IL22RA2: variants seen among roughly 807,000 people sequenced by gnomAD.
The protein encoded by IL22RA2 is interleukin-22 receptor subunit alpha-2.
Under a neutral mutation model 30.7 loss-of-function variants are expected in IL22RA2, and 39 were observed. That is an observed-to-expected ratio of 1.27 (90% CI 0.98 to 1.66). The LOEUF (loss-of-function observed/expected upper bound fraction) is 1.66, where lower values mean the gene tolerates loss of function less well. Ranked by LOEUF, IL22RA2 falls within the 40% of genes most tolerant of loss-of-function variation. IL22RA2 has a pLI of 0.00. For missense variants in IL22RA2, 315 were observed against 312.7 expected (o/e 1.01, Z -0.05); for synonymous variants, 103 against 105.0 (o/e 0.98, Z 0.11).
rs916918055 is a variant in IL22RA2 at position 137,144,109 on chromosome 6, T to A, written c.*1515A>T. The A allele has an allele frequency of 6.6e-6, 1 of 152,340 alleles. No homozygotes were observed. The highest frequency in any genetic ancestry group is 1.9e-4 in the East Asian group (1 of 5,196). The allele number at this position is 152,340 out of a possible 1,614,324, so 9.4% of individuals were successfully genotyped here. ...TCGCCACCCACCCCACTACTCTTAA[T>A]TCATCGCCCTCTCCACAAAAGGACA... On this transcript the variant is annotated 3_prime_UTR_variant, in exon 7 of 7. Coordinates refer to ENST00000296980, the MANE Select transcript of IL22RA2 (RefSeq NM_052962.3).
At chr6:137,154,778 T>C (rs1480697972) in intron 5 of IL22RA2, among the ~76,000 whole-genome samples, 163 bp downstream of exon 5, 3 of 152,130 alleles carry the variant, frequency 2.0e-5, no homozygotes, top group Non-Finnish European at 4.4e-5. Flanking sequence ...ACTAGAAAAT[T>C]AGGATAATAA....
At chr6:137,154,664 G>C (rs573196005) in intron 5 of IL22RA2, among the ~76,000 whole-genome samples, 19 of 152,108 alleles carry the variant, frequency 1.2e-4, no homozygotes, top group Admixed American at 6.5e-4. Flanking sequence ...AATTGATGGA[G>C]TGGAGGCTCT....
chr6:137,168,559 T>C (rs1279725421), intron 1 of IL22RA2, among the ~76,000 whole-genome samples: 1 of 152,122 alleles, frequency 6.6e-6, no homozygotes, highest in Non-Finnish European at 1.5e-5. Flanking sequence ...ACCAAGGCCA[T>C]AATAGGAGAG....
At chr6:137,156,355 C>T (rs372314819) in intron 4 of IL22RA2, among the ~76,000 whole-genome samples, 6 of 152,156 alleles carry the variant, frequency 3.9e-5, no homozygotes, top group East Asian at 3.9e-4. Context: ...GGAAGATAGA[C>T]GGTATCTATA....
chr6:137,164,190 T>C (rs1292687541), intron 1 of IL22RA2, among the ~76,000 whole-genome samples: 1 of 152,224 alleles, frequency 6.6e-6, no homozygotes, highest in Non-Finnish European at 1.5e-5. Context: ...TTAAGCTAAC[T>C]TCACAGAAAC....
chr6:137,165,913 A>G (rs761466901), intron 1 of IL22RA2, among the ~76,000 whole-genome samples: 5 of 152,174 alleles, frequency 3.3e-5, no homozygotes, highest in Non-Finnish European at 5.9e-5. Context: ...GAATGTTAAG[A>G]TATCAAGGGC....
At chr6:137,171,438 G>T (rs949198547) in intron 1 of IL22RA2, among the ~76,000 whole-genome samples, 2 of 152,208 alleles carry the variant, frequency 1.3e-5, no homozygotes, top group East Asian at 3.8e-4. Flanking sequence ...TGTAGGAGGG[G>T]AAGCAGGTAA....
chr6:137,163,564 A>C (rs1281074433), intron 1 of IL22RA2, among the ~76,000 whole-genome samples: 1 of 152,204 alleles, frequency 6.6e-6, no homozygotes, highest in Non-Finnish European at 1.5e-5. Context: ...GTTGCAGGAC[A>C]GTCACAAGAA....
At chr6:137,153,184 C>T (rs893862064) in intron 5 of IL22RA2, among the ~76,000 whole-genome samples, 2 of 152,110 alleles carry the variant, frequency 1.3e-5, no homozygotes, top group African/African-American at 4.8e-5. Flanking sequence ...GAGCATAGTA[C>T]TCCACAATAC....
In IL22RA2 at chr6:137,155,042, G is replaced by A. The variant is rs1181082260; in HGVS notation, c.371C>T (p.Thr124Ile). Residue 124 changes from threonine (T) to isoleucine (I), a missense_variant, in exon 5 of 7, where the codon ACC (threonine) becomes ATC (isoleucine). Coordinates refer to ENST00000296980, the MANE Select transcript of IL22RA2 (RefSeq NM_052962.3). ...QELSCDLTSETSDIQEPYYGR... is the reference protein window; with the variant it reads ...QELSCDLTSEISDIQEPYYGR... ...GTAATAAGGTTCCTGTATGTCTGAG[G>A]TTTCACTGGTAAGGTCACAAGAGAG... 2 of 1,613,948 alleles carry A rather than the reference G, an allele frequency of 1.2e-6. No homozygotes were observed. The highest frequency in any genetic ancestry group is 4.5e-5 in the East Asian group (2 of 44,880).
chr6:137,169,750 CCATA>C (rs1293729633), intron 1 of IL22RA2, among the ~76,000 whole-genome samples: 3 of 152,160 alleles, frequency 2.0e-5, no homozygotes, highest in African/African-American at 7.2e-5. Context: ...GACTTGCTAG[CCATA>C]CAGGCAACCC....
intron 5 of IL22RA2, among the ~76,000 whole-genome samples, chr6:137,153,169 T>C (rs1778326106): frequency 6.6e-6 from 1 of 152,126 alleles, no homozygotes; most frequent in Non-Finnish European, 1.5e-5. Flanking sequence ...CAATGCCTTG[T>C]TCATGAGCAT....
chr6:137,173,331 C>T (rs1778781078), intron 1 of IL22RA2, 82 bp downstream of exon 1: 1 of 152,242 alleles, frequency 6.6e-6, no homozygotes, highest in Admixed American at 6.5e-5. Flanking sequence ...CGAGATCGCG[C>T]CACTGCGCTC....
rs751429884 is a variant in IL22RA2, at chr6:137,155,033, A to G, written c.380T>C (p.Ile127Thr). The G allele has an allele frequency of 6.2e-7, 1 of 1,613,916 alleles. No homozygotes were observed. The highest frequency in any genetic ancestry group is 8.5e-7 in the Non-Finnish European group (1 of 1,179,846). Residue 127 changes from isoleucine to threonine, a missense_variant, in exon 5 of 7, where the codon ATA becomes ACA. Ile to Thr is a moderately conservative substitution (Grantham distance 89, BLOSUM62 -1). Transcript: ENST00000296980. ...CACCCTCCCGTAATAAGGTTCCTGT[A>G]TGTCTGAGGTTTCACTGGTAAGGTC... ...SCDLTSETSDIQEPYYGRVRA... is the reference protein window; with the variant it reads ...SCDLTSETSDTQEPYYGRVRA...
At chr6:137,150,111 TAG>T (rs1778259154) in intron 5 of IL22RA2, among the ~76,000 whole-genome samples, 1 of 152,252 alleles carries the variant, frequency 6.6e-6, no homozygotes, top group African/African-American at 2.4e-5. Context: ...GCTTTGTCTC[TAG>T]ATAGACACCA....
In IL22RA2 at chr6:137,161,898, C is replaced by T. The variant is rs143670236; in HGVS notation, c.-65-84G>A. Reference sequence around the variant, plus strand: ...CAACTACAATTTTATTTTGATACTACATTATATTATTTTATTTTAGGAAAA... The same window carrying T: ...CAACTACAATTTTATTTTGATACTATATTATATTATTTTATTTTAGGAAAA... On this transcript the variant is annotated intron_variant, in intron 1 of 6. Transcript: ENST00000296980. 10 of 504,164 alleles carry T rather than the reference C, an allele frequency of 2.0e-5. No homozygotes were observed. The East Asian group carries it at 3.0e-4, about 15-fold the overall frequency. The allele number at this position is 504,164 out of a possible 1,614,324, so 31.2% of individuals were successfully genotyped here. A position where few individuals can be genotyped will look rare whatever the true frequency, so the allele number is the denominator to read the frequency against.
At chr6:137,158,662 C>G (rs550031620) in intron 2 of IL22RA2, among the ~76,000 whole-genome samples, 180 bp from the exon 3 acceptor site, 1 of 152,120 alleles carries the variant, frequency 6.6e-6, no homozygotes, top group Admixed American at 6.5e-5. Context: ...TTTTGATGCA[C>G]GCTAAAGTCT....
intron 1 of IL22RA2, 135 bp from the exon 2 acceptor site, chr6:137,161,949 A>G: frequency 4.0e-6 from 2 of 497,794 alleles, no homozygotes; most frequent in Non-Finnish European, 3.6e-6. Context: ...AATCACTTCA[A>G]AAAACATTTG....
chr6:137,166,057 T>C (rs890884729), intron 1 of IL22RA2, among the ~76,000 whole-genome samples: 1 of 152,174 alleles, frequency 6.6e-6, no homozygotes, highest in African/African-American at 2.4e-5. Flanking sequence ...GTGTGGAAAC[T>C]GTGGATGAAG....
Sources: gnomAD v4.1 joint callset for allele counts (sites outside exome capture counted in the v4.1 genomes callset) on GRCh38, gnomAD v4.1.1 for gene constraint, MANE v1.5 for transcripts, NCBI Gene and HGNC (gene_info 2026-07-23, HGNC 2026-07-21) for gene names.